The following PODXL2 variants were observed in gnomAD, a reference collection of about 807,000 sequenced individuals.
PODXL2 encodes the protein podocalyxin-like protein 2.
Under a neutral mutation model 53.4 loss-of-function variants are expected in PODXL2, and 17 were observed. That is an observed-to-expected ratio of 0.32 (90% confidence interval 0.22 to 0.48). The LOEUF (loss-of-function observed/expected upper bound fraction) is 0.48. Ranked by LOEUF, PODXL2 falls within the 20% of genes least tolerant of loss-of-function variation. The pLI, the probability that PODXL2 is intolerant of heterozygous loss-of-function variation, is 0.99. For missense variants in PODXL2, 673 were observed against 760.0 expected (o/e 0.89, Z 1.35); for synonymous variants, 311 against 306.7 (o/e 1.01, Z -0.15).
intron 4 of PODXL2, among the ~76,000 whole-genome samples, chr3:127,668,160 G>A (rs946662971): frequency 2.0e-5 from 3 of 151,212 alleles, no homozygotes; most frequent in Non-Finnish European, 2.9e-5. Flanking sequence ...CCCCCGCCCC[G>A]CTCAACTGCA....
chr3:127,629,347 G>A lies in PODXL2; in HGVS notation c.70+58G>A. ...CGGGCGGCGGCGTGGGCGCGGTGCT[G>A]GACAGCTCCCCGGGCCGCCAACAAA... On this transcript the variant is annotated intron_variant, in intron 1 of 7. Transcript: ENST00000342480. The surrounding 1 kb of genome is among the most constrained non-coding windows in gnomAD (Gnocchi z 6.4). 1.0e-6 allele frequency: 1 copy of A among 1,002,848 alleles called. No homozygotes were observed. Among genetic ancestry groups the A allele is most frequent in the Middle Eastern group, 4.9e-4 (1 of 2,022 alleles). 62.1% of individuals were successfully genotyped at this position (1,002,848 alleles called of 1,614,324 possible).
chr3:127,637,441 G>A (rs926958996), intron 1 of PODXL2, among the ~76,000 whole-genome samples: 1 of 152,154 alleles, frequency 6.6e-6, no homozygotes, highest in Admixed American at 6.5e-5. Context: ...CACAATATTT[G>A]TAGAATAGTT....
intron 7 of PODXL2, among the ~76,000 whole-genome samples, chr3:127,671,920 C>G (rs2074846247): frequency 6.6e-6 from 1 of 152,190 alleles, no homozygotes; most frequent in Admixed American, 6.5e-5. Flanking sequence ...GCAGGCCCTG[C>G]GTTGGTGGTG....
At position 127,669,133 on chromosome 3, in the gene PODXL2, C is replaced by A. The variant is rs199540901; in HGVS notation, c.1364-8C>A. 6 of 1,592,920 alleles carry A rather than the reference C, an allele frequency of 3.8e-6. No homozygotes were observed. The East Asian group carries it at 1.4e-4, about 37-fold the overall frequency. ...GTCACACTGATAGTGGTGTTTCTTA[C>A]CCCCCAGGGGTGGTGCCCACTCAAG... is the stretch of plus-strand genomic sequence containing the variant. On this transcript the variant is annotated splice_polypyrimidine_tract_variant and splice_region_variant and intron_variant, in intron 5 of 7. Transcript: ENST00000342480.
At chr3:127,672,227 G>A (rs1442760512) in intron 7 of PODXL2, 41 bp from the exon 8 acceptor site, 5 of 1,510,640 alleles carry the variant, frequency 3.3e-6, no homozygotes, top group East Asian at 2.5e-5. Flanking sequence ...CTGTCCGGGG[G>A]CTGGCTCGCT....
In PODXL2 at chr3:127,668,154, C is replaced by T. The variant is rs573731266; in HGVS notation, c.1207-287C>T. On this transcript the variant is annotated intron_variant, in intron 4 of 7. Transcript: ENST00000342480. ...TGTGTGTGTGTGTGTCCCCAGCCCCCGCCCCGCTCAACTGCATGTGTCTCT... is the reference window on the plus strand; with the variant it reads ...TGTGTGTGTGTGTGTCCCCAGCCCCTGCCCCGCTCAACTGCATGTGTCTCT... 6.6e-5 allele frequency among the ~76,000 whole-genome samples: 10 copies of T among 152,058 alleles called. No homozygotes were observed. The East Asian group carries it at 1.2e-3, about 18-fold the overall frequency.
intron 2 of PODXL2, among the ~76,000 whole-genome samples, chr3:127,640,706 A>AT (rs1254757678): frequency 4.0e-5 from 6 of 151,758 alleles, no homozygotes; most frequent in East Asian, 1.9e-4. Context: ...TATCTCAAAA[A>AT]AAAATAAAAT....
At chr3:127,649,203 A>T (rs879398736) in intron 2 of PODXL2, among the ~76,000 whole-genome samples, 1 of 151,394 alleles carries the variant, frequency 6.6e-6, no homozygotes, top group Non-Finnish European at 1.5e-5. Context: ...TCACTTAGAA[A>T]CCTCTTTCCA....
rs143691828 is a variant in PODXL2 at position 127,631,530 on chromosome 3, C to T, written c.70+2241C>T. On this transcript the variant is annotated intron_variant, in intron 1 of 7. Transcript: ENST00000342480. The stretch of plus-strand genomic sequence containing the variant: ...TCCTTTTCATGTGCCATCTTTTTCT[C>T]TCTCCTCTGTTGGGTGTGATGATGT... Among the ~76,000 whole-genome samples the T allele has an allele frequency of 5.6e-3, 859 of 152,238 alleles. 4 individuals are homozygous for T. The highest frequency in any genetic ancestry group is 0.01 in the Non-Finnish European group (701 of 68,024).
intron 1 of PODXL2, among the ~76,000 whole-genome samples, chr3:127,631,782 G>A (rs1179727942): frequency 6.6e-6 from 1 of 152,182 alleles, no homozygotes; most frequent in Non-Finnish European, 1.5e-5. Flanking sequence ...AATACCCATT[G>A]CCAAGGCCTT....
intron 2 of PODXL2, among the ~76,000 whole-genome samples, chr3:127,647,931 T>C (rs1411696489): frequency 2.6e-5 from 4 of 152,144 alleles, no homozygotes; most frequent in Non-Finnish European, 4.4e-5. Flanking sequence ...CAGAGTAGAA[T>C]TGAGGTGCTA....
intron 5 of PODXL2, 105 bp downstream of exon 5, chr3:127,668,702 A>T (rs1649444187): frequency 2.7e-6 from 3 of 1,128,886 alleles, no homozygotes; most frequent in Non-Finnish European, 3.6e-6. Context: ...TGAAACTTGG[A>T]ACTCCAGGAC....
intron 2 of PODXL2, among the ~76,000 whole-genome samples, chr3:127,655,271 T>C (rs914828755): frequency 2.0e-5 from 3 of 152,016 alleles, no homozygotes; most frequent in Non-Finnish European, 2.9e-5. Flanking sequence ...CTGGGCTTGG[T>C]GGCAGGTGCC....
intron 4 of PODXL2, among the ~76,000 whole-genome samples, chr3:127,663,170 C>T (rs1401105571): frequency 1.3e-5 from 2 of 152,166 alleles, no homozygotes; most frequent in African/African-American, 2.4e-5. Flanking sequence ...GAACTAGGGA[C>T]CCAGCCGTTT....
chr3:127,662,875 CTTCTG>C (rs1446531901), intron 4 of PODXL2, among the ~76,000 whole-genome samples: 1 of 152,192 alleles, frequency 6.6e-6, no homozygotes, highest in East Asian at 1.9e-4. Context: ...GAAAAGGGAA[CTTCTG>C]TTCTGTTCGA....
chr3:127,671,567 T>C lies in PODXL2; in HGVS notation c.1559T>C (p.Leu520Pro), dbSNP rs1345828226. The C allele has an allele frequency of 1.2e-6, 2 of 1,614,128 alleles. No homozygotes were observed. The highest frequency in any genetic ancestry group is 1.7e-6 in the Non-Finnish European group (2 of 1,180,016). ...TGCATCATCATCATTGCGCTTGGCC[T>C]GCTCTACAACTGCTGGCAGCGCCGG... is the stretch of plus-strand genomic sequence containing the variant. ...AICIIIIALG[L>P]LYNCWQRRLP... The change falls in exon 7 of 8, where the codon CTG becomes CCG. Residue 520 changes from leucine to proline, a missense_variant. Transcript: ENST00000342480.
At chr3:127,630,996 C>T (rs1033299530) in intron 1 of PODXL2, among the ~76,000 whole-genome samples, 6 of 152,232 alleles carry the variant, frequency 3.9e-5, no homozygotes, top group South Asian at 2.1e-4. Flanking sequence ...GCCTGCCTCC[C>T]GGCTCCTCTC....
At chr3:127,658,745 G>C (rs2074741661) in intron 2 of PODXL2, among the ~76,000 whole-genome samples, 1 of 152,142 alleles carries the variant, frequency 6.6e-6, no homozygotes, top group Admixed American at 6.5e-5. Context: ...AATCACATGA[G>C]AATGAGGCTA....
intron 4 of PODXL2, 64 bp from the exon 5 acceptor site, chr3:127,668,377 G>A (rs1247718357): frequency 1.4e-6 from 2 of 1,388,724 alleles, no homozygotes; most frequent in African/African-American, 1.5e-5. Flanking sequence ...TGGGCCTAGA[G>A]GCAGAGGGCT....
Sources: allele counts gnomAD v4.1 joint callset (sites outside exome capture counted in the v4.1 genomes callset), GRCh38; gene constraint gnomAD v4.1.1; non-coding constraint Gnocchi (gnomAD v3.1); transcripts MANE v1.5; gene names NCBI Gene and HGNC (gene_info 2026-07-23, HGNC 2026-07-21).